RNLS: variants seen among roughly 807,000 people sequenced by gnomAD.
The protein encoded by RNLS is renalase, FAD dependent amine oxidase.
RNLS carries 39 observed loss-of-function variants against 39.8 expected under a neutral mutation model. The observed-to-expected ratio is 0.98, with a 90% CI of 0.76 to 1.28. The LOEUF is 1.28. RNLS is among the 50% of genes most tolerant of loss of function. RNLS has a pLI of 0.00. For synonymous variants in RNLS, 147 were observed against 150.7 expected (o/e 0.98, Z 0.18); for missense variants, 410 against 413.3 (o/e 0.99, Z 0.07).
intron 6 of RNLS, chr10:88,275,097 T>C: frequency 8.7e-7 from 1 of 1,151,038 alleles, no homozygotes; most frequent in East Asian, 2.4e-5. Context: ...TGACACCTTG[T>C]CTACACTAAT....
intron 3 of RNLS, among the ~76,000 whole-genome samples, chr10:88,579,876 G>C (rs1850432842): frequency 6.6e-6 from 1 of 152,190 alleles, no homozygotes; most frequent in African/African-American, 2.4e-5. Context: ...AGTAGATCAA[G>C]TAATGCAGAT....
At chr10:88,187,828 T>C in the RNLS span, among the ~76,000 whole-genome samples, 10 of 152,252 alleles carry the variant, frequency 6.6e-5, no homozygotes, top group Admixed American at 5.9e-4. Context: ...ACCTTATTTC[T>C]TACTTTCTGA....
chr10:88,433,987 A>G (rs534806052), intron 4 of RNLS, among the ~76,000 whole-genome samples: 1 of 152,290 alleles, frequency 6.6e-6, no homozygotes, highest in African/African-American at 2.4e-5. Flanking sequence ...TGAAGTGTCT[A>G]GAGGCAGCCT....
downstream of RNLS, among the ~76,000 whole-genome samples, chr10:88,272,145 C>T (rs1018823188): frequency 7.2e-5 from 11 of 152,138 alleles, no homozygotes; most frequent in Non-Finnish European, 1.3e-4. Flanking sequence ...AGAACTGTTG[C>T]GTGCAGGGGT....
chr10:88,540,963 T>C (rs1848005080), intron 4 of RNLS, among the ~76,000 whole-genome samples: 1 of 149,466 alleles, frequency 6.7e-6, no homozygotes. Context: ...TGTTATATTA[T>C]GGTCATCATA....
At chr10:88,577,667 A>G (rs1426024222) in intron 3 of RNLS, among the ~76,000 whole-genome samples, 1 of 152,200 alleles carries the variant, frequency 6.6e-6, no homozygotes, top group African/African-American at 2.4e-5. Context: ...AAAGAAAATC[A>G]TGTTTCACTC....
intron 6 of RNLS, among the ~76,000 whole-genome samples, chr10:88,310,267 C>A (rs1845260895): frequency 6.6e-6 from 1 of 152,070 alleles, no homozygotes; most frequent in Non-Finnish European, 1.5e-5. Flanking sequence ...ATCTTTTTGA[C>A]TGCAACAATA....
chr10:88,576,397 T>C (rs1850213456), intron 3 of RNLS, among the ~76,000 whole-genome samples: 1 of 152,226 alleles, frequency 6.6e-6, no homozygotes, highest in African/African-American at 2.4e-5. Context: ...GTTTCTGTTA[T>C]ATATTTATTC....
the RNLS span, among the ~76,000 whole-genome samples, chr10:88,230,514 A>G: frequency 6.6e-6 from 1 of 152,012 alleles, no homozygotes; most frequent in African/African-American, 2.4e-5. Flanking sequence ...TTCCCCCTCC[A>G]ATGCATCTCA....
chr10:88,451,777 C>A (rs1842370463), intron 4 of RNLS, among the ~76,000 whole-genome samples: 1 of 152,148 alleles, frequency 6.6e-6, no homozygotes, highest in African/African-American at 2.4e-5. Context: ...GACCCTATTG[C>A]CTATATGGCT....
chr10:88,227,893 C>T, the RNLS span, among the ~76,000 whole-genome samples: 1 of 152,170 alleles, frequency 6.6e-6, no homozygotes, highest in African/African-American at 2.4e-5. Context: ...TTCCAAATTC[C>T]AGCCTCTGCT....
chr10:88,507,092 C>T lies in RNLS; in HGVS notation c.526+65811G>A, dbSNP rs938346399. Among the ~76,000 whole-genome samples, 3 of 152,160 alleles carry T rather than the reference C, an allele frequency of 2.0e-5. No individual in the cohort carries two copies. The East Asian group carries it at 5.8e-4, about 29-fold the overall frequency. ...AAAACTGATGAATCTTGACTTGCAGCCTCAGCAGTTAAATTACTGCTATGA... is the reference window on the plus strand; with the variant it reads ...AAAACTGATGAATCTTGACTTGCAGTCTCAGCAGTTAAATTACTGCTATGA... On this transcript the variant is annotated intron_variant, in intron 4 of 6. Transcript: ENST00000331772.
At chr10:88,462,334 GC>G (rs1326915929) in intron 4 of RNLS, among the ~76,000 whole-genome samples, 1 of 151,936 alleles carries the variant, frequency 6.6e-6, no homozygotes, top group Non-Finnish European at 1.5e-5. Flanking sequence ...ATCACCTTAA[GC>G]ACTTATCCTT....
intron 4 of RNLS, among the ~76,000 whole-genome samples, chr10:88,478,643 C>T (rs557026935): frequency 6.6e-6 from 1 of 152,240 alleles, no homozygotes; most frequent in South Asian, 2.1e-4. Context: ...AGGGCTTATC[C>T]ATCCTCAACT....
chr10:88,240,406 C>CTTT, the RNLS span, among the ~76,000 whole-genome samples: 35 of 108,666 alleles, frequency 3.2e-4, no homozygotes, highest in East Asian at 7.0e-3. Flanking sequence ...GCAAAAAGTC[C>CTTT]TTTTTTTAAA....
chr10:88,266,254 A>G, the RNLS span, among the ~76,000 whole-genome samples: 1 of 152,188 alleles, frequency 6.6e-6, no homozygotes, highest in South Asian at 2.1e-4. Context: ...GGCTCCCCTG[A>G]GAAGATGAAT....
intron 4 of RNLS, among the ~76,000 whole-genome samples, chr10:88,410,414 G>C (rs1853582295): frequency 6.6e-6 from 1 of 152,016 alleles, no homozygotes; most frequent in South Asian, 2.1e-4. Context: ...AAGCCCCAAA[G>C]AGTTAAATTT....
At chr10:88,253,073 C>G in the RNLS span, among the ~76,000 whole-genome samples, 3 of 152,286 alleles carry the variant, frequency 2.0e-5, no homozygotes, top group African/African-American at 7.2e-5. Context: ...AAGATAAAAG[C>G]AGTGTTTAAG....
the RNLS span, among the ~76,000 whole-genome samples, chr10:88,209,419 A>G: frequency 6.6e-6 from 1 of 152,148 alleles, no homozygotes; most frequent in Non-Finnish European, 1.5e-5. Context: ...ACGATGGCAG[A>G]GATTGGAGTG....
Sources: allele counts gnomAD v4.1 joint callset (sites outside exome capture counted in the v4.1 genomes callset), GRCh38; gene constraint gnomAD v4.1.1; transcripts MANE v1.5; gene names NCBI Gene and HGNC (gene_info 2026-07-23, HGNC 2026-07-21).